The following NCR1 variants were observed in gnomAD, a reference collection of about 807,000 sequenced individuals.
NCR1 encodes the protein natural cytotoxicity triggering receptor 1.
In NCR1, 30 loss-of-function variants were observed where a neutral mutation model predicts 32.5. The observed-to-expected ratio is 0.92, with a 90% CI of 0.69 to 1.25. The LOEUF is 1.25. NCR1 is among the 50% of genes most tolerant of loss of function. The probability of loss-of-function intolerance (pLI) is 0.00; values close to 1 mark genes in which losing one functional copy is unlikely to be tolerated. For missense variants in NCR1, 369 were observed against 380.7 expected, an observed-to-expected ratio of 0.97 and a Z score of 0.26; for synonymous variants, 169 against 143.4, an observed-to-expected ratio of 1.18 and a Z score of -1.28.
intron 6 of NCR1, among the ~76,000 whole-genome samples, chr19:54,912,468 G>T (rs551123121): frequency 2.6e-5 from 4 of 151,924 alleles, no homozygotes; most frequent in South Asian, 2.1e-4. Flanking sequence ...GCGTGGTGGC[G>T]TGTGCCTGTA....
chr19:54,930,826 C>T, the NCR1 span, among the ~76,000 whole-genome samples: 1 of 152,066 alleles, frequency 6.6e-6, no homozygotes, highest in Non-Finnish European at 1.5e-5. Flanking sequence ...AGCGATTCTT[C>T]TGCCTCAGCC....
At chr19:54,903,892 A>T (rs2067383716), upstream of NCR1, among the ~76,000 whole-genome samples, 1 of 151,744 alleles carries the variant, frequency 6.6e-6, no homozygotes, top group Non-Finnish European at 1.5e-5. Context: ...TGAGAGGCCG[A>T]GGCAGGAAGA....
intron 3 of NCR1, among the ~76,000 whole-genome samples, 170 bp downstream of exon 3, chr19:54,906,977 G>A (rs2067664120): frequency 1.3e-5 from 2 of 152,150 alleles, no homozygotes; most frequent in South Asian, 4.1e-4. Flanking sequence ...TCTGCAGACC[G>A]TGTCTCTACG....
the NCR1 span, among the ~76,000 whole-genome samples, chr19:54,931,315 T>C: frequency 2.6e-5 from 4 of 151,414 alleles, no homozygotes; most frequent in African/African-American, 9.7e-5. Context: ...TCTCAGCACT[T>C]TGGGAGACCA....
upstream of NCR1, among the ~76,000 whole-genome samples, chr19:54,903,469 CACGG>C (rs1286381907): frequency 8.0e-6 from 1 of 125,116 alleles, no homozygotes; most frequent in East Asian, 3.9e-4. Flanking sequence ...TGTATGTATA[CACGG>C]ATACATGTAT....
chr19:54,915,769 G>A (rs1478583494), downstream of NCR1: 1 of 151,472 alleles, frequency 6.6e-6, no homozygotes, highest in Non-Finnish European at 1.5e-5. Context: ...TTGAACCTGG[G>A]AGGCGGAGGT....
At chr19:54,920,600 G>C (rs2068228007), downstream of NCR1, among the ~76,000 whole-genome samples, 1 of 152,172 alleles carries the variant, frequency 6.6e-6, no homozygotes, top group Non-Finnish European at 1.5e-5. Flanking sequence ...GCGAAGGCAA[G>C]GGGATAACTG....
upstream of NCR1, among the ~76,000 whole-genome samples, chr19:54,903,941 C>A (rs192739996): frequency 6.6e-6 from 1 of 151,360 alleles, no homozygotes; most frequent in Non-Finnish European, 1.5e-5. Context: ...TCCTGGCCAA[C>A]GTGGTAAAAA....
intron 3 of NCR1, among the ~76,000 whole-genome samples, chr19:54,908,267 T>C (rs2067740161): frequency 2.0e-5 from 3 of 152,094 alleles, no homozygotes; most frequent in African/African-American, 7.2e-5. Context: ...TAACCCTGAG[T>C]GGACACAGCA....
the NCR1 span, among the ~76,000 whole-genome samples, chr19:54,923,233 G>T: frequency 6.6e-6 from 1 of 152,140 alleles, no homozygotes; most frequent in East Asian, 1.9e-4. Context: ...ATGAGAGACC[G>T]CGGGGCCCAC....
At chr19:54,930,779 A>G in the NCR1 span, 1 of 893,626 alleles carries the variant, frequency 1.1e-6, no homozygotes, top group East Asian at 2.5e-5. Flanking sequence ...GCAGTGCTGC[A>G]CTCTTGGCTC....
chr19:54,917,552 C>T (rs1024532690), downstream of NCR1, among the ~76,000 whole-genome samples: 1 of 152,030 alleles, frequency 6.6e-6, no homozygotes, highest in Non-Finnish European at 1.5e-5. Context: ...AACTCCCGAC[C>T]TCATGTGATC....
the NCR1 span, among the ~76,000 whole-genome samples, chr19:54,925,999 T>C: frequency 6.7e-6 from 1 of 148,902 alleles, no homozygotes. Context: ...GGAGTCTCTG[T>C]CTCAAAAAAA....
chr19:54,899,028 G>C, the NCR1 span, among the ~76,000 whole-genome samples: 1 of 152,128 alleles, frequency 6.6e-6, no homozygotes, highest in South Asian at 2.1e-4. Context: ...AAGACTCAGC[G>C]ATGCTTGGGG....
chr19:54,907,889 A>G (rs146188946), intron 3 of NCR1, among the ~76,000 whole-genome samples: 1,821 of 152,204 alleles, frequency 0.012, 23 homozygotes, highest in South Asian at 0.065. Flanking sequence ...GTGTTGAAAT[A>G]TATATATTTT....
rs60025694 is a variant in NCR1 at position 54,912,599 on chromosome 19, CAAAAAAAAAAAAAAAAAAAAAAAAAA to C, written c.734-77_734-52del. On this transcript the variant is annotated intron_variant, in intron 6 of 6. Transcript: ENST00000291890. ...GGGCGACAAGACTGAGGCTCTGTCT[CAAAAAAAAAAAAAAAAAAAAAAAAAA>C]AAAAAAAAAAAAAGAGGGTGTCCTT... is the stretch of plus-strand genomic sequence containing the variant. 109 of 375,212 alleles carry C rather than the reference CAAAAAAAAAAAAAAAAAAAAAAAAAA, an allele frequency of 2.9e-4. 1 individual carries two copies. Among genetic ancestry groups the C allele is most frequent in the Middle Eastern group, 7.5e-4 (1 of 1,328 alleles). 23.2% of individuals were successfully genotyped at this position (375,212 alleles called of 1,614,324 possible). A position where few individuals can be genotyped will look rare whatever the true frequency, so the allele number is the denominator to read the frequency against.
the NCR1 span, among the ~76,000 whole-genome samples, chr19:54,930,115 CAAA>C: frequency 3.8e-4 from 38 of 100,534 alleles, no homozygotes; most frequent in Non-Finnish European, 5.2e-4. Context: ...GGCTCCGTCT[CAAA>C]AAAAAAAAAA....
the NCR1 span, among the ~76,000 whole-genome samples, chr19:54,937,563 G>A: frequency 6.6e-6 from 1 of 150,670 alleles, no homozygotes; most frequent in African/African-American, 2.4e-5. Context: ...GCACTCCAGC[G>A]CCTAGGTGAC....
At chr19:54,908,929 C>A (rs1405546730) in intron 3 of NCR1, among the ~76,000 whole-genome samples, 2 of 151,618 alleles carry the variant, frequency 1.3e-5, no homozygotes, top group Admixed American at 6.6e-5. Flanking sequence ...CAGAGCAAGA[C>A]CCTGTATCAT....
Sources: allele counts gnomAD v4.1 joint callset (sites outside exome capture counted in the v4.1 genomes callset), GRCh38; gene constraint gnomAD v4.1.1; transcripts MANE v1.5; gene names NCBI Gene and HGNC (gene_info 2026-07-23, HGNC 2026-07-21).